EHD4: variants seen among roughly 807,000 people sequenced by gnomAD.
EHD4 encodes EH domain containing 4.
EHD4 carries 37 observed loss-of-function variants against 51.0 expected under a neutral mutation model. That is an observed-to-expected ratio of 0.73 (90% CI 0.56 to 0.95). The LOEUF is 0.95. Among genes scored for constraint, EHD4 ranks in the 40% least tolerant of loss-of-function variants. EHD4 has a pLI of 0.00. For missense variants in EHD4, 632 were observed against 733.1 expected, an observed-to-expected ratio of 0.86 and a Z score of 1.59; for synonymous variants, 297 against 317.3, an observed-to-expected ratio of 0.94 and a Z score of 0.68.
chr15:41,933,711 G>T (rs2067713090), intron 3 of EHD4, among the ~76,000 whole-genome samples: 1 of 152,198 alleles, frequency 6.6e-6, no homozygotes, highest in Non-Finnish European at 1.5e-5. Flanking sequence ...TTGAGGCTGT[G>T]TAACAGGAAT....
chr15:41,927,049 A>T (rs2067667418), intron 3 of EHD4, among the ~76,000 whole-genome samples: 1 of 152,208 alleles, frequency 6.6e-6, no homozygotes. Flanking sequence ...TTACACTATC[A>T]AATCAGGTTC....
At chr15:41,944,882 G>C (rs1247192773) in intron 2 of EHD4, among the ~76,000 whole-genome samples, 1 of 152,166 alleles carries the variant, frequency 6.6e-6, no homozygotes, top group Admixed American at 6.5e-5. Context: ...GCAGACACTT[G>C]TGCACAGTCC....
rs1050161483 is a variant in EHD4 at position 41,898,027 on chromosome 15, C to T, written c.*2618G>A. 1.3e-5 allele frequency: 2 copies of T among 152,250 alleles called. No individual in the cohort carries two copies. The highest frequency in any genetic ancestry group is 2.4e-5 in the African/African-American group (1 of 41,452). The allele number at this position is 152,250 out of a possible 1,614,324, so 9.4% of individuals were successfully genotyped here. On this transcript the variant is annotated 3_prime_UTR_variant, in exon 6 of 6. Transcript: ENST00000220325. ...ACTTTGTACTGGTCCTGGGAAGATA[C>T]AAGTCCTCACTTGGTCGCCATCCCT...
At chr15:41,969,538 C>T (rs549213285) in intron 1 of EHD4, among the ~76,000 whole-genome samples, 198 of 145,676 alleles carry the variant, frequency 1.4e-3, no homozygotes, top group African/African-American at 4.9e-3. Context: ...AACAGCGAAA[C>T]TGTCTCAAAA....
intron 3 of EHD4, chr15:41,941,572 G>A (rs1566823761): frequency 7.9e-6 from 1 of 127,218 alleles, no homozygotes; most frequent in Non-Finnish European, 1.6e-5. Flanking sequence ...GCATTAACCT[G>A]TTTTTTGGTG....
intron 2 of EHD4, 74 bp from the exon 3 acceptor site, chr15:41,943,238 C>T: frequency 1.7e-6 from 2 of 1,173,370 alleles, no homozygotes; most frequent in Non-Finnish European, 2.4e-6. Context: ...GCTTCTTGGC[C>T]TCTCTGGGCT....
intron 2 of EHD4, among the ~76,000 whole-genome samples, chr15:41,946,194 T>G (rs917959890): frequency 2.6e-5 from 4 of 152,190 alleles, no homozygotes; most frequent in Admixed American, 6.5e-5. Flanking sequence ...ACGTAAAATA[T>G]GCAGACACAT....
intron 3 of EHD4, among the ~76,000 whole-genome samples, chr15:41,922,407 A>C (rs928388383): frequency 6.6e-6 from 1 of 152,166 alleles, no homozygotes; most frequent in African/African-American, 2.4e-5. Flanking sequence ...AAAACAAAAC[A>C]AACAAAACCA....
At chr15:41,948,385 T>C (rs2067829434) in intron 2 of EHD4, among the ~76,000 whole-genome samples, 1 of 152,144 alleles carries the variant, frequency 6.6e-6, no homozygotes, top group Non-Finnish European at 1.5e-5. Context: ...CTCAAACTCC[T>C]GAGCTCAAGT....
At chr15:41,959,217 C>T (rs867695379) in intron 1 of EHD4, among the ~76,000 whole-genome samples, 77 of 151,734 alleles carry the variant, frequency 5.1e-4, no homozygotes, top group African/African-American at 1.9e-3. Context: ...ACGGTGAAAC[C>T]CCGTCTCTAC....
rs2067451485 is a variant in EHD4, at chr15:41,898,095, G to A, written c.*2550C>T. On this transcript the variant is annotated 3_prime_UTR_variant, in exon 6 of 6. Coordinates refer to ENST00000220325, the MANE Select transcript of EHD4 (RefSeq NM_139265.4). ...TCTTTTCCAGTCAACTTTTCTTGAT[G>A]AATGACTGCATGTAAGAGGATATTA... 6.6e-6 allele frequency: 1 copy of A among 152,228 alleles called. No homozygotes were observed. The highest frequency in any genetic ancestry group is 1.5e-5 in the Non-Finnish European group (1 of 68,030). The allele number at this position is 152,228 out of a possible 1,614,324, so 9.4% of individuals were successfully genotyped here.
intron 2 of EHD4, among the ~76,000 whole-genome samples, chr15:41,953,305 A>T (rs1303385882): frequency 6.6e-6 from 1 of 152,214 alleles, no homozygotes; most frequent in Non-Finnish European, 1.5e-5. Flanking sequence ...TCACTGCCTC[A>T]TGAGGCAGCC....
intron 3 of EHD4, chr15:41,942,017 T>G (rs1331065276): frequency 6.6e-6 from 1 of 152,326 alleles, no homozygotes; most frequent in East Asian, 1.9e-4. Context: ...CAGCCAGAAG[T>G]GATGGCAGCG....
At chr15:41,954,072 G>C (rs771919959) in intron 1 of EHD4, 132 bp from the exon 2 acceptor site, 2 of 962,760 alleles carry the variant, frequency 2.1e-6, no homozygotes, top group African/African-American at 3.4e-5. Context: ...AGAAAAGCAC[G>C]CAATCCTCCT....
rs757921651 is a variant in EHD4 at position 41,943,120 on chromosome 15, C to T, written c.458G>A (p.Ser153Asn). ...QLPNQVLKSI[S>N]VIDSPGILSG... ...AAGGATGCCGGGGCTGTCGATGACG[C>T]TGATGCTCTTCAGGACCTGATTGGG... Residue 153 changes from serine to asparagine, a missense_variant, in exon 3 of 6, where the codon AGC becomes AAC. Coordinates refer to ENST00000220325, the MANE Select transcript of EHD4 (RefSeq NM_139265.4). 1 of 1,594,516 alleles carries T rather than the reference C, an allele frequency of 6.3e-7. No individual in the cohort carries two copies. Among genetic ancestry groups the T allele is most frequent in the East Asian group, 2.3e-5 (1 of 44,422 alleles).
chr15:41,955,871 A>G (rs1284602825), intron 1 of EHD4, among the ~76,000 whole-genome samples: 1 of 152,196 alleles, frequency 6.6e-6, no homozygotes, highest in Non-Finnish European at 1.5e-5. Flanking sequence ...GGGTGAAGAC[A>G]TTCAGCAGCG....
intron 3 of EHD4, among the ~76,000 whole-genome samples, chr15:41,924,005 G>A (rs74851414): frequency 5.3e-5 from 8 of 152,296 alleles, no homozygotes; most frequent in African/African-American, 1.9e-4. Context: ...ATTACTTAAC[G>A]TTAAGCTCCA....
intron 3 of EHD4, among the ~76,000 whole-genome samples, chr15:41,923,123 C>A (rs1157839121): frequency 6.6e-6 from 1 of 152,214 alleles, no homozygotes; most frequent in Admixed American, 6.5e-5. Context: ...CACCATCCAA[C>A]TGAAACTCTG....
At chr15:41,925,059 C>CAAAAAAAAAA (rs10612546) in intron 3 of EHD4, among the ~76,000 whole-genome samples, 1 of 139,838 alleles carries the variant, frequency 7.2e-6, no homozygotes, top group Non-Finnish European at 1.5e-5. Flanking sequence ...GACTGTATCT[C>CAAAAAAAAAA]AAAAAAAAAA....
Sources: gnomAD v4.1 joint callset for allele counts (sites outside exome capture counted in the v4.1 genomes callset) on GRCh38, gnomAD v4.1.1 for gene constraint, MANE v1.5 for transcripts, NCBI Gene and HGNC (gene_info 2026-07-23, HGNC 2026-07-21) for gene names.